The following TIPRL variants were observed in gnomAD, a reference collection of about 807,000 sequenced individuals.
The protein encoded by TIPRL is TIP41-like protein.
TIPRL carries 10 observed loss-of-function variants against 32.3 expected under a neutral mutation model. That is an observed-to-expected ratio of 0.31 (90% CI 0.19 to 0.52). TIPRL has a LOEUF of 0.52. Ranked by LOEUF, TIPRL falls within the 20% of genes least tolerant of loss-of-function variation. The pLI is 0.96. For synonymous variants in TIPRL, 100 were observed against 114.0 expected (o/e 0.88, Z 0.78); for missense variants, 250 against 328.1 (o/e 0.76, Z 1.84).
At position 168,179,046 on chromosome 1, in the gene TIPRL, T is replaced by A; in HGVS notation, c.-32T>A. Reference sequence around the variant, plus strand: ...CGCCGCCGCCGCTGCTTCAGCTTATTCCTTGTGGCCTCTGCGGGTCCTGCC... The same window carrying A: ...CGCCGCCGCCGCTGCTTCAGCTTATACCTTGTGGCCTCTGCGGGTCCTGCC... On this transcript the variant is annotated 5_prime_UTR_variant, in exon 1 of 7. Coordinates refer to ENST00000367833, the MANE Select transcript of TIPRL (RefSeq NM_152902.5). 6.3e-7 allele frequency: 1 copy of A among 1,597,442 alleles called. No individual in the cohort carries two copies. Among genetic ancestry groups the A allele is most frequent in the Non-Finnish European group, 8.6e-7 (1 of 1,166,710 alleles).
intron 4 of TIPRL, among the ~76,000 whole-genome samples, chr1:168,194,959 T>G (rs1040403): frequency 0.48 from 72,693 of 152,030 alleles, 20,609 homozygotes; most frequent in African/African-American, 0.79. Context: ...AATACCAAGA[T>G]AAATCTATTG....
chr1:168,196,065 C>G (rs913295180), intron 4 of TIPRL, among the ~76,000 whole-genome samples: 17 of 152,088 alleles, frequency 1.1e-4, no homozygotes, highest in African/African-American at 4.1e-4. Context: ...TCTGATAAAC[C>G]AGGTCTTTAG....
chr1:168,185,283 C>T (rs966769701), intron 3 of TIPRL, among the ~76,000 whole-genome samples: 15 of 152,008 alleles, frequency 9.9e-5, no homozygotes, highest in African/African-American at 3.6e-4. Flanking sequence ...AGGTTTATGC[C>T]CTGTCTGCCC....
chr1:168,197,315 G>A (rs1700169124), intron 5 of TIPRL, among the ~76,000 whole-genome samples: 1 of 151,570 alleles, frequency 6.6e-6, no homozygotes. Context: ...ACATACCTAA[G>A]TTATACAGTT....
Position 168,196,604 on chromosome 1 carries a change from G to T in TIPRL, c.574G>T (p.Val192Leu), listed in dbSNP as rs766282474. The T allele has an allele frequency of 3.7e-6, 6 of 1,603,650 alleles. No homozygotes were observed. Among genetic ancestry groups the T allele is most frequent in the Non-Finnish European group, 4.3e-6 (5 of 1,175,034 alleles). ...GCGGTTTTTCTTGAGAATTGATGGG[G>T]TGCTTATCAGAATGAATGACACGAG... ...LLRFFLRIDG[V>L]LIRMNDTRLY... The change falls in exon 5 of 7, where the codon GTG becomes TTG. Residue 192 changes from valine to leucine, a missense_variant. Transcript: ENST00000367833.
chr1:168,184,643 T>C, intron 2 of TIPRL, 136 bp from the exon 3 acceptor site: 1 of 673,662 alleles, frequency 1.5e-6, no homozygotes. Context: ...AGAAAAACCT[T>C]GTACTGGTGA....
chr1:168,194,511 T>C (rs1232219032), intron 4 of TIPRL, among the ~76,000 whole-genome samples: 1 of 152,250 alleles, frequency 6.6e-6, no homozygotes, highest in African/African-American at 2.4e-5. Flanking sequence ...AGTGTGACTG[T>C]TGGTAACTAA....
Position 168,191,439 on chromosome 1 carries a change from A to T in TIPRL, c.455A>T (p.Glu152Val). 6.5e-7 allele frequency: 1 copy of T among 1,537,236 alleles called. No individual in the cohort carries two copies. The highest frequency in any genetic ancestry group is 8.7e-7 in the Non-Finnish European group (1 of 1,152,002). Reference protein sequence around the residue: ...KAREQIKFFEEVLLFEDELHD... With the variant: ...KAREQIKFFEVVLLFEDELHD... ...AGAGAACAGATTAAGTTTTTTGAAGAAGTTCTCCTTTTTGAGGATGAACTT... is the reference window on the plus strand; with the variant it reads ...AGAGAACAGATTAAGTTTTTTGAAGTAGTTCTCCTTTTTGAGGATGAACTT... The change falls in exon 4 of 7, where the codon GAA (glutamate) becomes GTA (valine). Residue 152 changes from glutamate (E) to valine (V), a missense_variant. Physicochemically the swap from Glu to Val is moderately radical, Grantham distance 121. Coordinates refer to ENST00000367833, the MANE Select transcript of TIPRL (RefSeq NM_152902.5).
rs965310170 is a variant in TIPRL at position 168,201,514 on chromosome 1, A to T, written c.*1468A>T. On this transcript the variant is annotated 3_prime_UTR_variant, in exon 7 of 7. Transcript: ENST00000367833. ...CTGCCTTCTGTATCACCTCCAAGCTATAGGAAATCAGGATTTTGTTGGCTT... is the reference window on the plus strand; with the variant it reads ...CTGCCTTCTGTATCACCTCCAAGCTTTAGGAAATCAGGATTTTGTTGGCTT... 17 of 152,044 alleles carry T rather than the reference A, an allele frequency of 1.1e-4. No individual in the cohort carries two copies. Among genetic ancestry groups the T allele is most frequent in the African/African-American group, 3.9e-4 (16 of 41,404 alleles). The allele number at this position is 152,044 out of a possible 1,614,324, so 9.4% of individuals were successfully genotyped here.
chr1:168,184,676 A>G lies in TIPRL; in HGVS notation c.285-103A>G. The G allele has an allele frequency of 4.0e-6, 3 of 759,104 alleles. No individual in the cohort carries two copies. The South Asian group carries it at 5.1e-5, about 13-fold the overall frequency. The allele number at this position is 759,104 out of a possible 1,614,324, so 47.0% of individuals were successfully genotyped here. On this transcript the variant is annotated intron_variant, in intron 2 of 6. Transcript: ENST00000367833. The stretch of plus-strand genomic sequence containing the variant: ...TGAATTATAACAAGTGTATATATTT[A>G]ATAGGATATGTTATTATAGAATATA...
rs1700158715 is a variant in TIPRL at position 168,196,750 on chromosome 1, C to T, written c.612+108C>T. On this transcript the variant is annotated intron_variant, in intron 5 of 6. Transcript: ENST00000367833. ...TAAACAATCTATATTATATGGCAGTCTTTCTAACTGTTAAGTCTGAGTGTT... is the reference window on the plus strand; with the variant it reads ...TAAACAATCTATATTATATGGCAGTTTTTCTAACTGTTAAGTCTGAGTGTT... The T allele has an allele frequency of 1.1e-5, 7 of 648,336 alleles. No individual in the cohort carries two copies. In the East Asian group the frequency reaches 2.2e-4, roughly 20 times the overall value. 40.2% of individuals were successfully genotyped at this position (648,336 alleles called of 1,614,324 possible).
Position 168,200,187 on chromosome 1 carries a change from G to A in TIPRL, c.*141G>A, listed in dbSNP as rs928853831. Reference sequence around the variant, plus strand: ...CTTAAAGGAAAAAAAAATAAAGATCGTTACAGGCAGGTTTCACTCAACTGC... The same window carrying A: ...CTTAAAGGAAAAAAAAATAAAGATCATTACAGGCAGGTTTCACTCAACTGC... On this transcript the variant is annotated 3_prime_UTR_variant, in exon 7 of 7. Coordinates refer to ENST00000367833, the MANE Select transcript of TIPRL (RefSeq NM_152902.5). 46 of 879,710 alleles carry A rather than the reference G, an allele frequency of 5.2e-5. No individual in the cohort carries two copies. The highest frequency in any genetic ancestry group is 6.4e-5 in the Admixed American group (2 of 31,284). The allele number at this position is 879,710 out of a possible 1,614,324, so 54.5% of individuals were successfully genotyped here.
intron 5 of TIPRL, 116 bp downstream of exon 5, chr1:168,196,758 C>T (rs1700158858): frequency 3.4e-6 from 2 of 581,998 alleles, no homozygotes; most frequent in Non-Finnish European, 2.7e-6. Flanking sequence ...GTCTTTCTAA[C>T]TGTTAAGTCT....
At chr1:168,194,733 C>A (rs1186665085) in intron 4 of TIPRL, among the ~76,000 whole-genome samples, 3 of 152,092 alleles carry the variant, frequency 2.0e-5, no homozygotes, top group Admixed American at 6.5e-5. Flanking sequence ...GGCTCAGAGC[C>A]TTTTCTCCAG....
chr1:168,183,774 T>A, intron 1 of TIPRL, 128 bp from the exon 2 acceptor site: 1 of 945,926 alleles, frequency 1.1e-6, no homozygotes, highest in Non-Finnish European at 1.6e-6. Flanking sequence ...TGCAAATATA[T>A]CATATTGATT....
intron 1 of TIPRL, among the ~76,000 whole-genome samples, chr1:168,180,056 TG>T (rs1699940809): frequency 6.6e-6 from 1 of 152,194 alleles, no homozygotes; most frequent in African/African-American, 2.4e-5. Context: ...TGACAACCAC[TG>T]GGTGTAATTT....
chr1:168,199,984 A>C lies in TIPRL; in HGVS notation c.757A>C (p.Ile253Leu). ...AAAGGAAGCAGTTTGTGAGAAGCTA[A>C]TATTTCCAGAAAGAATTGATCCTAA... ...PIKEAVCEKL[I>L]FPERIDPNPA... The change falls in exon 7 of 7, where the codon ATA becomes CTA. Residue 253 changes from isoleucine to leucine, a missense_variant. Physicochemically the swap from Ile to Leu is conservative, Grantham distance 5. Coordinates refer to ENST00000367833, the MANE Select transcript of TIPRL (RefSeq NM_152902.5). 1.9e-6 allele frequency: 3 copies of C among 1,613,708 alleles called. No individual in the cohort carries two copies. Among genetic ancestry groups the C allele is most frequent in the Non-Finnish European group, 2.5e-6 (3 of 1,179,742 alleles).
At chr1:168,180,252 T>G (rs1699943421) in intron 1 of TIPRL, among the ~76,000 whole-genome samples, 1 of 152,128 alleles carries the variant, frequency 6.6e-6, no homozygotes, top group Non-Finnish European at 1.5e-5. Context: ...AGGAAGAGTC[T>G]ATGCTGATGA....
At position 168,184,812 on chromosome 1, in the gene TIPRL, A is replaced by T. The variant is rs1700007310; in HGVS notation, c.318A>T (p.Lys106Asn). 7 of 1,612,824 alleles carry T rather than the reference A, an allele frequency of 4.3e-6. No individual in the cohort carries two copies. The highest frequency in any genetic ancestry group is 5.9e-6 in the Non-Finnish European group (7 of 1,179,240). ...TEGEHSKEVI[K>N]PYDWTYTTDY... ...GTGAACACTCCAAAGAGGTTATTAAACCATATGATTGGACCTATACAACAG... is the reference window on the plus strand; with the variant it reads ...GTGAACACTCCAAAGAGGTTATTAATCCATATGATTGGACCTATACAACAG... The change falls in exon 3 of 7, where the codon AAA (lysine) becomes AAT (asparagine). Residue 106 changes from lysine (K) to asparagine (N), a missense_variant. Transcript: ENST00000367833.
Sources: gnomAD v4.1 joint callset for allele counts (sites outside exome capture counted in the v4.1 genomes callset) on GRCh38, gnomAD v4.1.1 for gene constraint, MANE v1.5 for transcripts, NCBI Gene and HGNC (gene_info 2026-07-23, HGNC 2026-07-21) for gene names.